CLASP1: variants seen among roughly 807,000 people sequenced by gnomAD.
CLASP1 encodes CLIP-associating protein 1.
Under a neutral mutation model 192.3 loss-of-function variants are expected in CLASP1, and 38 were observed. That is an observed-to-expected ratio of 0.20 (90% confidence interval 0.15 to 0.26). The LOEUF (loss-of-function observed/expected upper bound fraction) is 0.26, where lower values mean the gene tolerates loss of function less well. CLASP1 is among the 10% of genes least tolerant of loss of function. The pLI, the probability that CLASP1 is intolerant of heterozygous loss-of-function variation, is 1.00. For synonymous variants in CLASP1, 691 were observed against 712.8 expected, an observed-to-expected ratio of 0.97 and a Z score of 0.49; for missense variants, 1,433 against 1,932.5, an observed-to-expected ratio of 0.74 and a Z score of 4.85.
chr2:121,619,341 A>C (rs1165242699), intron 1 of CLASP1, among the ~76,000 whole-genome samples: 1 of 152,218 alleles, frequency 6.6e-6, no homozygotes. Context: ...TTATAATCAC[A>C]ATTAGAAAAA....
intron 36 of CLASP1, among the ~76,000 whole-genome samples, chr2:121,363,900 T>A (rs2066885480): frequency 6.6e-6 from 1 of 152,064 alleles, no homozygotes; most frequent in African/African-American, 2.4e-5. Context: ...GAGAACGTAG[T>A]TTACACCAAA....
rs145417730 is a variant in CLASP1 at position 121,444,181 on chromosome 2, A to G, written c.1912+3156T>C. 7.3e-4 allele frequency among the ~76,000 whole-genome samples: 111 copies of G among 152,352 alleles called. 1 individual carries two copies. The highest frequency in any genetic ancestry group is 2.5e-3 in the African/African-American group (102 of 41,588). ...AAAACAACTATGTCTAAAATTCAAAAGGTAATACAAAAATAGAAAGAGCTT... is the reference window on the plus strand; with the variant it reads ...AAAACAACTATGTCTAAAATTCAAAGGGTAATACAAAAATAGAAAGAGCTT... On this transcript the variant is annotated intron_variant, in intron 19 of 39. Coordinates refer to ENST00000263710, the Ensembl canonical transcript of CLASP1.
At chr2:121,337,925 T>C (rs1172516017) in exon 40 of CLASP1, 1 of 144,290 alleles carries the variant, frequency 6.9e-6, no homozygotes, top group African/African-American at 2.7e-5. Context: ...AATACAGATA[T>C]GGATGTAACA....
intron 8 of CLASP1, among the ~76,000 whole-genome samples, chr2:121,493,138 A>C (rs1044506349): frequency 2.0e-5 from 3 of 152,258 alleles, no homozygotes; most frequent in African/African-American, 7.2e-5. Flanking sequence ...GAAATAAAAA[A>C]GTAATCCCAA....
intron 1 of CLASP1, among the ~76,000 whole-genome samples, chr2:121,606,707 T>C (rs2064463122): frequency 6.6e-6 from 1 of 152,140 alleles, no homozygotes; most frequent in African/African-American, 2.4e-5. Context: ...TACTTTACAA[T>C]GGAGTAAGTG....
intron 22 of CLASP1, among the ~76,000 whole-genome samples, chr2:121,423,710 A>G (rs1043030666): frequency 1.3e-5 from 2 of 152,232 alleles, no homozygotes; most frequent in Admixed American, 1.3e-4. Flanking sequence ...CTATGATTGT[A>G]TCCACATCAA....
intron 24 of CLASP1, 135 bp from the exon 26 acceptor site, chr2:121,407,850 G>C: frequency 9.6e-7 from 1 of 1,040,936 alleles, no homozygotes; most frequent in Non-Finnish European, 1.5e-6. Context: ...CTTTTCCTGT[G>C]CTTATAGATT....
chr2:121,530,773 G>C, intron 2 of CLASP1: 3 of 559,198 alleles, frequency 5.4e-6, no homozygotes, highest in Non-Finnish European at 9.7e-6. Flanking sequence ...GTGGAGGCTG[G>C]AGGTAAGCTA....
At position 121,647,368 on chromosome 2, in the gene CLASP1, CAAAAAT is replaced by C. The variant is rs1204819486; in HGVS notation, c.-286+1998_-286+2003del. Among the ~76,000 whole-genome samples the C allele has an allele frequency of 3.9e-5, 6 of 152,060 alleles. No homozygotes were observed. In the East Asian group the frequency reaches 9.6e-4, roughly 24 times the overall value. On this transcript the variant is annotated intron_variant, in intron 1 of 39. Transcript: ENST00000263710. ...GGGCGACAAGAGTGAAACTCTGTTT[CAAAAAT>C]AAAAATAAAAATAAATAATAAATAA...
intron 24 of CLASP1, among the ~76,000 whole-genome samples, chr2:121,409,660 T>C (rs1322056173): frequency 1.3e-5 from 2 of 152,172 alleles, no homozygotes; most frequent in Non-Finnish European, 2.9e-5. Flanking sequence ...GGGTTTCACA[T>C]CCATCATTTC....
At chr2:121,570,036 G>A (rs932684501) in intron 2 of CLASP1, among the ~76,000 whole-genome samples, 1 of 152,144 alleles carries the variant, frequency 6.6e-6, no homozygotes, top group African/African-American at 2.4e-5. Context: ...ATCTGTCAAA[G>A]GAAGATATTT....
At chr2:121,342,259 CCAG>C (rs1160856614) in intron 39 of CLASP1, among the ~76,000 whole-genome samples, 1 of 151,898 alleles carries the variant, frequency 6.6e-6, no homozygotes, top group Non-Finnish European at 1.5e-5. Context: ...CTAGCTGGGA[CCAG>C]AGGTGCACAC....
At chr2:121,505,046 A>C (rs969602522) in intron 7 of CLASP1, 2 of 152,168 alleles carry the variant, frequency 1.3e-5, no homozygotes, top group African/African-American at 4.8e-5. Flanking sequence ...TGGCTTGACA[A>C]ACTCATAAAT....
chr2:121,420,846 C>T (rs1220217649), intron 22 of CLASP1, among the ~76,000 whole-genome samples: 4 of 152,194 alleles, frequency 2.6e-5, no homozygotes, highest in African/African-American at 7.2e-5. Flanking sequence ...GAAAAAAATG[C>T]TCTTTTTCGT....
chr2:121,463,801 G>A (rs971245256), intron 9 of CLASP1, among the ~76,000 whole-genome samples: 67 of 152,198 alleles, frequency 4.4e-4, no homozygotes, highest in Admixed American at 4.1e-3. Context: ...GTATGGACGC[G>A]AGATGGGAAG....
chr2:121,397,877 G>A (rs2075544484), intron 29 of CLASP1, among the ~76,000 whole-genome samples: 2 of 152,122 alleles, frequency 1.3e-5, no homozygotes, highest in South Asian at 4.1e-4. Context: ...TGTTATTACA[G>A]GTATGATTTT....
chr2:121,415,059 T>C (rs2078336497), intron 23 of CLASP1, among the ~76,000 whole-genome samples: 1 of 152,106 alleles, frequency 6.6e-6, no homozygotes, highest in Admixed American at 6.6e-5. Context: ...GGATTACAGG[T>C]GTGAGCCGCT....
Position 121,373,130 on chromosome 2 carries a change from C to T in CLASP1, c.3642+4369G>A, listed in dbSNP as rs1338906460. 3.3e-5 allele frequency among the ~76,000 whole-genome samples: 5 copies of T among 152,316 alleles called. No homozygotes were observed. The South Asian group carries it at 1.0e-3, about 32-fold the overall frequency. On this transcript the variant is annotated intron_variant, in intron 34 of 39. Coordinates refer to ENST00000263710, the Ensembl canonical transcript of CLASP1. Reference sequence around the variant, plus strand: ...GGAACCTGGTGGGAGGTAATTCGATCACGGGGGTGGAATTCCCCCTTGCTG... The same window carrying T: ...GGAACCTGGTGGGAGGTAATTCGATTACGGGGGTGGAATTCCCCCTTGCTG...
chr2:121,546,722 T>C (rs2057470519), intron 2 of CLASP1, among the ~76,000 whole-genome samples: 1 of 152,104 alleles, frequency 6.6e-6, no homozygotes, highest in South Asian at 2.1e-4. Flanking sequence ...CCGAGAGCCT[T>C]AGATACCCAG....
Sources: gnomAD v4.1 joint callset for allele counts (sites outside exome capture counted in the v4.1 genomes callset) on GRCh38, gnomAD v4.1.1 for gene constraint, MANE v1.5 for transcripts, NCBI Gene and HGNC (gene_info 2026-07-23, HGNC 2026-07-21) for gene names.